Variants in CCDC192 observed in about 807,000 individuals in gnomAD.
CCDC192 encodes the protein coiled-coil domain-containing protein 192.
At chr5:127,818,061 A>G (rs1749111114) in intron 5 of CCDC192, among the ~76,000 whole-genome samples, 1 of 152,204 alleles carries the variant, frequency 6.6e-6, no homozygotes, top group Non-Finnish European at 1.5e-5. Flanking sequence ...AAGTATATGA[A>G]AAAACCCAGC....
intron 6 of CCDC192, among the ~76,000 whole-genome samples, chr5:127,876,527 C>G (rs1052144162): frequency 6.6e-6 from 1 of 152,170 alleles, no homozygotes; most frequent in Non-Finnish European, 1.5e-5. Context: ...TTGGGAGACT[C>G]AGGGCATTCC....
At chr5:127,732,260 C>G (rs1298469208) in intron 2 of CCDC192, among the ~76,000 whole-genome samples, 1 of 152,182 alleles carries the variant, frequency 6.6e-6, no homozygotes, top group Non-Finnish European at 1.5e-5. Flanking sequence ...CATCACTGAT[C>G]ATTAGAGAAA....
chr5:127,866,157 G>A (rs1244400964), intron 5 of CCDC192, among the ~76,000 whole-genome samples: 2 of 152,004 alleles, frequency 1.3e-5, no homozygotes, highest in Non-Finnish European at 2.9e-5. Context: ...ACGTGGTTAT[G>A]AGTACCCCAA....
intron 3 of CCDC192, among the ~76,000 whole-genome samples, chr5:127,788,937 C>T (rs1756715964): frequency 6.6e-6 from 1 of 151,872 alleles, no homozygotes; most frequent in East Asian, 1.9e-4. Flanking sequence ...GAATTATTGC[C>T]CTTATAAGAA....
At chr5:127,705,018 A>G (rs1338385356) in intron 1 of CCDC192, among the ~76,000 whole-genome samples, 1 of 151,872 alleles carries the variant, frequency 6.6e-6, no homozygotes, top group Non-Finnish European at 1.5e-5. Flanking sequence ...TGCACTGAGA[A>G]AAATGCCGTA....
intron 6 of CCDC192, among the ~76,000 whole-genome samples, chr5:127,930,191 G>A (rs1450426496): frequency 6.6e-6 from 1 of 151,412 alleles, no homozygotes; most frequent in African/African-American, 2.4e-5. Context: ...GTGATAGAGT[G>A]AGACTTCTTC....
At chr5:127,906,357 A>C (rs973785240) in intron 6 of CCDC192, among the ~76,000 whole-genome samples, 1 of 152,224 alleles carries the variant, frequency 6.6e-6, no homozygotes, top group Admixed American at 6.5e-5. Flanking sequence ...GAATTGCATT[A>C]TTTTAAAGAC....
intron 2 of CCDC192, among the ~76,000 whole-genome samples, chr5:127,743,923 C>T (rs560929591): frequency 6.6e-6 from 1 of 151,714 alleles, no homozygotes; most frequent in Non-Finnish European, 1.5e-5. Context: ...AACCCCGTCT[C>T]TGCTAAAAAA....
At chr5:127,925,773 A>T (rs1004241253) in intron 6 of CCDC192, among the ~76,000 whole-genome samples, 1 of 152,120 alleles carries the variant, frequency 6.6e-6, no homozygotes, top group African/African-American at 2.4e-5. Context: ...AACCACTTTC[A>T]TGGCTGTCTC....
Position 127,919,047 on chromosome 5 carries a change from CTGTG to C in CCDC192, c.536-22129_536-22126del, listed in dbSNP as rs112015546. On this transcript the variant is annotated intron_variant, in intron 6 of 6. Transcript: ENST00000514853. ...TATGTGTATATATGTGTGTATATAT[CTGTG>C]TGTGTATGTGTGTGTGTATATATGT... 5.6e-3 allele frequency among the ~76,000 whole-genome samples: 812 copies of C among 144,100 alleles called. 23 individuals are homozygous for C. Among genetic ancestry groups the C allele is most frequent in the Non-Finnish European group, 1.7e-3 (111 of 65,820 alleles). The allele number at this position is 144,100 out of a possible 152,430, so 94.5% of individuals were successfully genotyped here.
At chr5:127,918,031 A>G (rs55860273) in intron 6 of CCDC192, among the ~76,000 whole-genome samples, 13,814 of 151,832 alleles carry the variant, frequency 0.091, 2,077 homozygotes, top group African/African-American at 0.31. Flanking sequence ...GCTATTCAGG[A>G]GGCTGAGGTG....
intron 5 of CCDC192, among the ~76,000 whole-genome samples, chr5:127,867,381 T>A (rs558755155): frequency 6.6e-6 from 1 of 152,212 alleles, no homozygotes; most frequent in Non-Finnish European, 1.5e-5. Flanking sequence ...TTAGAAGAGC[T>A]TAGCAGCACT....
At chr5:127,868,746 G>C (rs958471643) in intron 5 of CCDC192, among the ~76,000 whole-genome samples, 1 of 151,928 alleles carries the variant, frequency 6.6e-6, no homozygotes, top group African/African-American at 2.4e-5. Flanking sequence ...TTTGCTGGGC[G>C]TGGCGGTGGG....
At chr5:127,792,492 G>T (rs1756919015) in intron 3 of CCDC192, among the ~76,000 whole-genome samples, 1 of 149,946 alleles carries the variant, frequency 6.7e-6, no homozygotes, top group South Asian at 2.1e-4. Context: ...GATGAGATTT[G>T]GGTGGGGACA....
intron 5 of CCDC192, among the ~76,000 whole-genome samples, chr5:127,832,492 A>T (rs73347033): frequency 0.019 from 2,840 of 152,308 alleles, 68 homozygotes; most frequent in African/African-American, 0.065. Context: ...ATAAGGGCAT[A>T]AAACACGCCT....
chr5:127,753,002 G>A (rs932709395), intron 2 of CCDC192, among the ~76,000 whole-genome samples: 17 of 152,150 alleles, frequency 1.1e-4, no homozygotes, highest in Admixed American at 3.9e-4. Context: ...ACTGACCTGC[G>A]CCCACTGTCT....
chr5:127,753,408 C>T (rs1270513039), intron 2 of CCDC192, among the ~76,000 whole-genome samples: 1 of 152,092 alleles, frequency 6.6e-6, no homozygotes, highest in Non-Finnish European at 1.5e-5. Flanking sequence ...ACTTTAGAAA[C>T]ATTTTGAGTC....
intron 3 of CCDC192, among the ~76,000 whole-genome samples, chr5:127,778,007 T>TTGTG (rs141839653): frequency 2.6e-3 from 397 of 150,182 alleles, no homozygotes; most frequent in African/African-American, 8.8e-3. Context: ...ATTTATTAGC[T>TTGTG]TGTGTGTGTG....
intron 2 of CCDC192, among the ~76,000 whole-genome samples, chr5:127,724,490 G>A (rs946461173): frequency 1.3e-5 from 2 of 152,058 alleles, no homozygotes; most frequent in Non-Finnish European, 2.9e-5. Flanking sequence ...TACTTGCTTT[G>A]TGATCACTCA....
Sources: gnomAD v4.1 joint callset for allele counts (sites outside exome capture counted in the v4.1 genomes callset) on GRCh38, gnomAD v4.1.1 for gene constraint, MANE v1.5 for transcripts, NCBI Gene and HGNC (gene_info 2026-07-23, HGNC 2026-07-21) for gene names.